The following PLA2G2D variants were observed in gnomAD, a reference collection of about 807,000 sequenced individuals.
The protein encoded by PLA2G2D is group IID secretory phospholipase A2.
Under a neutral mutation model 13.9 loss-of-function variants are expected in PLA2G2D, and 17 were observed. That is an observed-to-expected ratio of 1.23 (90% CI 0.84 to 1.84). The LOEUF (loss-of-function observed/expected upper bound fraction) is 1.84, where lower values mean the gene tolerates loss of function less well. Ranked by LOEUF, PLA2G2D falls within the 40% of genes most tolerant of loss-of-function variation. The probability of loss-of-function intolerance (pLI) is 0.00; values close to 1 mark genes in which losing one functional copy is unlikely to be tolerated. For synonymous variants in PLA2G2D, 83 were observed against 69.3 expected (o/e 1.20, Z -0.98); for missense variants, 194 against 178.7 (o/e 1.09, Z -0.49).
At chr1:20,116,529 G>A (rs2016994955) in intron 1 of PLA2G2D, 52 bp from the exon 2 acceptor site, 1 of 1,582,842 alleles carries the variant, frequency 6.3e-7, no homozygotes. Context: ...TTTCAGGGCA[G>A]CGCCAATGGG....
rs1005266898 is a variant in PLA2G2D, at chr1:20,112,760, G to A, written c.*1354C>T. On this transcript the variant is annotated 3_prime_UTR_variant, in exon 4 of 4. Transcript: ENST00000375105. ...ACCAAGCAGAGAGGTGGTTCCAGGA[G>A]AGGCCTGGCCTCAGCCCGATCCCAG... The A allele has an allele frequency of 6.6e-6, 1 of 152,250 alleles. No homozygotes were observed. Among genetic ancestry groups the A allele is most frequent in the African/African-American group, 2.4e-5 (1 of 41,442 alleles). The allele number at this position is 152,250 out of a possible 1,614,324, so 9.4% of individuals were successfully genotyped here.
intron 3 of PLA2G2D, among the ~76,000 whole-genome samples, chr1:20,115,292 C>T (rs2016961168): frequency 6.6e-6 from 1 of 152,106 alleles, no homozygotes; most frequent in African/African-American, 2.4e-5. Context: ...GCTGGTCAGT[C>T]GTGGGCCTGA....
At position 20,114,105 on chromosome 1, in the gene PLA2G2D, T is replaced by C. The variant is rs747170739; in HGVS notation, c.*9A>G. 1 of 1,611,136 alleles carries C rather than the reference T, an allele frequency of 6.2e-7. No individual in the cohort carries two copies. The highest frequency in any genetic ancestry group is 8.5e-7 in the Non-Finnish European group (1 of 1,179,132). ...CCATGCTGAGGAACAGGGTAGAGGG[T>C]GTGGGCTTCTAGCACCCAGGGGTCT... is the stretch of plus-strand genomic sequence containing the variant. On this transcript the variant is annotated 3_prime_UTR_variant, in exon 4 of 4. Coordinates refer to ENST00000375105, the MANE Select transcript of PLA2G2D (RefSeq NM_012400.4).
chr1:20,117,749 G>A (rs1357963925), intron 1 of PLA2G2D, among the ~76,000 whole-genome samples: 4 of 152,054 alleles, frequency 2.6e-5, no homozygotes, highest in South Asian at 4.2e-4. Flanking sequence ...GCCCCTCTTC[G>A]AGTGAGTTTA....
At chr1:20,118,073 T>C (rs867281889) in intron 1 of PLA2G2D, among the ~76,000 whole-genome samples, 62 of 152,114 alleles carry the variant, frequency 4.1e-4, no homozygotes, top group African/African-American at 1.4e-3. Context: ...CCGGGCCCTC[T>C]GGAATCATAC....
In PLA2G2D at chr1:20,114,150, C is replaced by G. The variant is rs1489560507; in HGVS notation, c.402G>C (p.Trp134Cys). Reference protein sequence around the residue: ...DTYQKRLRFYWRPHCRGQTPG... With the variant: ...DTYQKRLRFYCRPHCRGQTPG... Reference sequence around the variant, plus strand: ...GGGTCTGCCCCCGGCAGTGGGGCCGCCAGTAGAAACGCAGTCGCTTCTGGT... The same window carrying G: ...GGGTCTGCCCCCGGCAGTGGGGCCGGCAGTAGAAACGCAGTCGCTTCTGGT... Residue 134 changes from tryptophan to cysteine, a missense_variant, in exon 4 of 4, where the codon TGG becomes TGC. Transcript: ENST00000375105. 6.2e-7 allele frequency: 1 copy of G among 1,613,824 alleles called. No individual in the cohort carries two copies. The highest frequency in any genetic ancestry group is 2.2e-5 in the East Asian group (1 of 44,874).
intron 1 of PLA2G2D, 127 bp downstream of exon 1, chr1:20,119,332 A>G: frequency 1.2e-6 from 1 of 841,290 alleles, no homozygotes; most frequent in South Asian, 1.3e-5. Flanking sequence ...GAGGGGCAGA[A>G]GGATTGGGGA....
At chr1:20,116,190 A>T in intron 2 of PLA2G2D, 143 bp downstream of exon 2, 1 of 893,930 alleles carries the variant, frequency 1.1e-6, no homozygotes, top group Non-Finnish European at 1.8e-6. Context: ...CTGGGACCGT[A>T]TTGGCACCCA....
At position 20,111,968 on chromosome 1, in the gene PLA2G2D, ATTTTAT is replaced by A. The variant is rs2016894165; in HGVS notation, c.*2140_*2145del. On this transcript the variant is annotated 3_prime_UTR_variant, in exon 4 of 4. Coordinates refer to ENST00000375105, the MANE Select transcript of PLA2G2D (RefSeq NM_012400.4). ...ATTTTATTTTATTTTATTTTATTTT[ATTTTAT>A]TTTATTTTTTGAGACAGAGTGTCAC... The A allele has an allele frequency of 2.1e-5, 3 of 142,946 alleles. No homozygotes were observed. Among genetic ancestry groups the A allele is most frequent in the Non-Finnish European group, 4.5e-5 (3 of 65,968 alleles). The allele number at this position is 142,946 out of a possible 1,614,324, so 8.9% of individuals were successfully genotyped here. A position where few individuals can be genotyped will look rare whatever the true frequency, so the allele number is the denominator to read the frequency against.
chr1:20,117,038 A>G (rs888635554), intron 1 of PLA2G2D, among the ~76,000 whole-genome samples: 1 of 152,088 alleles, frequency 6.6e-6, no homozygotes, highest in Non-Finnish European at 1.5e-5. Context: ...ATCTGGCTGG[A>G]TAATTACTGT....
At chr1:20,114,396 G>A (rs2016942272) in intron 3 of PLA2G2D, 137 bp from the exon 4 acceptor site, 1 of 817,288 alleles carries the variant, frequency 1.2e-6, no homozygotes, top group South Asian at 1.9e-5. Flanking sequence ...GATTCTAGCT[G>A]CATGACTTGG....
intron 3 of PLA2G2D, 50 bp from the exon 4 acceptor site, chr1:20,114,309 G>A: frequency 6.3e-7 from 1 of 1,579,632 alleles, no homozygotes. Context: ...CCGAGACAGA[G>A]GCAGGTATGA....
chr1:20,116,450 A>C lies in PLA2G2D; in HGVS notation c.68T>G (p.Leu23Arg). ...TTGCTTGACCATCTTGTTCAGGTTC[A>C]GGATCCCGCCCTGGATTGGAATCAC... ...AGVIPIQGGI[L>R]NLNKMVKQVT... is the part of the protein sequence containing the mutation. The change falls in exon 2 of 4, where the codon CTG becomes CGG. Residue 23 changes from leucine to arginine, a missense_variant. By Grantham distance (102) the Leu-to-Arg change is moderately radical (BLOSUM62 -2). Coordinates refer to ENST00000375105, the MANE Select transcript of PLA2G2D (RefSeq NM_012400.4). 6.2e-7 allele frequency: 1 copy of C among 1,614,162 alleles called. No homozygotes were observed. The highest frequency in any genetic ancestry group is 8.5e-7 in the Non-Finnish European group (1 of 1,180,026).
chr1:20,118,501 T>G (rs1215383397), intron 1 of PLA2G2D, among the ~76,000 whole-genome samples: 1 of 152,120 alleles, frequency 6.6e-6, no homozygotes, highest in Non-Finnish European at 1.5e-5. Flanking sequence ...TGAAGCTCCT[T>G]CTCCCAAGGG....
Position 20,115,576 on chromosome 1 carries a change from T to A in PLA2G2D, c.223A>T (p.Lys75Ter). The A allele has an allele frequency of 1.2e-6, 2 of 1,613,006 alleles. No homozygotes were observed. Among genetic ancestry groups the A allele is most frequent in the Non-Finnish European group, 8.5e-7 (1 of 1,179,004 alleles). Residue 75 changes from lysine to a stop codon, truncating the protein, a stop_gained, in exon 3 of 4, where the codon AAG becomes TAG. Transcript: ENST00000375105. LOFTEE classifies it high-confidence loss of function. The stretch of plus-strand genomic sequence containing the variant: ...TTGTAGATGCTGCACCCCTGGGTCT[T>A]CAGGTGGTCATAGCAGCAGTCATGG... ...QTHDCCYDHL[K>*]TQGCSIYKDY...
chr1:20,114,191 G>A lies in PLA2G2D; in HGVS notation c.361C>T (p.Arg121Cys), dbSNP rs62541900. 2.7e-4 allele frequency: 434 copies of A among 1,613,970 alleles called. 1 individual carries two copies. The African/African-American group carries it at 2.9e-3, about 11-fold the overall frequency. Residue 121 changes from arginine (R) to cysteine (C), a missense_variant, in exon 4 of 4, where the codon CGC becomes TGC. Coordinates refer to ENST00000375105, the MANE Select transcript of PLA2G2D (RefSeq NM_012400.4). ...CDKEVAFCLK[R>C]NLDTYQKRLR... is the part of the protein sequence containing the mutation. ...CGCTTCTGGTAGGTGTCCAGGTTGC[G>A]CTTCAGGCAGAAGGCCACCTCCTTG...
chr1:20,113,927 C>T lies in PLA2G2D; in HGVS notation c.*187G>A. 1 of 529,554 alleles carries T rather than the reference C, an allele frequency of 1.9e-6. No individual in the cohort carries two copies. Among genetic ancestry groups the T allele is most frequent in the Non-Finnish European group, 3.4e-6 (1 of 292,858 alleles). The allele number at this position is 529,554 out of a possible 1,614,324, so 32.8% of individuals were successfully genotyped here. Reference sequence around the variant, plus strand: ...GATTCCCATCCACCCTCAGAGGACACAGCTACTGCCTCAACTGGGAGGATT... The same window carrying T: ...GATTCCCATCCACCCTCAGAGGACATAGCTACTGCCTCAACTGGGAGGATT... On this transcript the variant is annotated 3_prime_UTR_variant, in exon 4 of 4. Coordinates refer to ENST00000375105, the MANE Select transcript of PLA2G2D (RefSeq NM_012400.4).
At position 20,119,448 on chromosome 1, in the gene PLA2G2D, C is replaced by A; in HGVS notation, c.40+11G>T. On this transcript the variant is annotated intron_variant, in intron 1 of 3. Coordinates refer to ENST00000375105, the MANE Select transcript of PLA2G2D (RefSeq NM_012400.4). ...CTTCCCTTCCCAGCCTGGGTCCCGTCCCCGACTCACCAGCCATCACCACCA... is the reference window on the plus strand; with the variant it reads ...CTTCCCTTCCCAGCCTGGGTCCCGTACCCGACTCACCAGCCATCACCACCA... The A allele has an allele frequency of 6.2e-7, 1 of 1,612,532 alleles. No individual in the cohort carries two copies. Among genetic ancestry groups the A allele is most frequent in the South Asian group, 1.1e-5 (1 of 91,060 alleles).
At chr1:20,114,342 T>G (rs2016941126) in intron 3 of PLA2G2D, 83 bp from the exon 4 acceptor site, 2 of 1,418,656 alleles carry the variant, frequency 1.4e-6, no homozygotes, top group African/African-American at 1.4e-5. Flanking sequence ...CTGAAGTCAG[T>G]GCAGTTCCTA....
Sources: gnomAD v4.1 joint callset for allele counts (sites outside exome capture counted in the v4.1 genomes callset) on GRCh38, gnomAD v4.1.1 for gene constraint, MANE v1.5 for transcripts, NCBI Gene and HGNC (gene_info 2026-07-23, HGNC 2026-07-21) for gene names.